The following RGS7 variants were observed in gnomAD, a reference collection of about 807,000 sequenced individuals.
RGS7 encodes the protein regulator of G-protein signaling 7.
In RGS7, 27 loss-of-function variants were observed where a neutral mutation model predicts 81.1. The observed-to-expected ratio is 0.33, with a 90% CI of 0.25 to 0.46. The LOEUF (loss-of-function observed/expected upper bound fraction) is 0.46, where lower values mean the gene tolerates loss of function less well. RGS7 is among the 20% of genes least tolerant of loss of function. The pLI, the probability that RGS7 is intolerant of heterozygous loss-of-function variation, is 1.00. For synonymous variants in RGS7, 208 were observed against 207.7 expected, an observed-to-expected ratio of 1.00 and a Z score of -0.01; for missense variants, 396 against 607.4, an observed-to-expected ratio of 0.65 and a Z score of 3.66.
chr1:241,247,530 T>C (rs1035374917), intron 2 of RGS7, among the ~76,000 whole-genome samples: 4 of 152,154 alleles, frequency 2.6e-5, no homozygotes, highest in African/African-American at 9.7e-5. Flanking sequence ...TGTTGTTCTT[T>C]ACCAATAATG....
chr1:241,221,181 A>C (rs1053537737), intron 2 of RGS7, among the ~76,000 whole-genome samples: 1 of 146,180 alleles, frequency 6.8e-6, no homozygotes, highest in Non-Finnish European at 1.5e-5. Flanking sequence ...GGGAAAAAAG[A>C]AAGAGAGAAA....
chr1:240,797,789 TGAGAGGACATA>T (rs1487286057), intron 18 of RGS7, among the ~76,000 whole-genome samples: 1 of 152,216 alleles, frequency 6.6e-6, no homozygotes, highest in Non-Finnish European at 1.5e-5. Context: ...TTTAAAGGTA[TGAGAGGACATA>T]GTAACCCTTG....
intron 2 of RGS7, among the ~76,000 whole-genome samples, chr1:241,319,597 T>C (rs1328666705): frequency 6.6e-6 from 1 of 152,024 alleles, no homozygotes; most frequent in Non-Finnish European, 1.5e-5. Flanking sequence ...CCATCATAGT[T>C]CACCGTAACG....
At chr1:240,928,095 T>C (rs927688564) in intron 6 of RGS7, among the ~76,000 whole-genome samples, 1 of 152,216 alleles carries the variant, frequency 6.6e-6, no homozygotes, top group South Asian at 2.1e-4. Flanking sequence ...TTGCATACAT[T>C]ACCCGTAGCT....
chr1:240,913,271 T>C (rs1391441747), intron 6 of RGS7, among the ~76,000 whole-genome samples: 1 of 152,240 alleles, frequency 6.6e-6, no homozygotes, highest in East Asian at 1.9e-4. Context: ...ATACAGTACA[T>C]TTATATGCAC....
chr1:240,793,612 T>TATATATATTTA (rs11270798), intron 18 of RGS7, among the ~76,000 whole-genome samples: 2 of 28,620 alleles, frequency 7.0e-5, no homozygotes, highest in African/African-American at 3.7e-4. Context: ...TATATATATA[T>TATATATATTTA]TTTTTTTTTT....
chr1:241,014,892 A>G (rs1487961186), intron 3 of RGS7, among the ~76,000 whole-genome samples: 3 of 152,228 alleles, frequency 2.0e-5, no homozygotes, highest in Admixed American at 2.0e-4. Flanking sequence ...CGAGACTCTT[A>G]CATAGAGAAA....
At chr1:241,009,604 A>G (rs1310588444) in intron 3 of RGS7, among the ~76,000 whole-genome samples, 1 of 152,194 alleles carries the variant, frequency 6.6e-6, no homozygotes, top group African/African-American at 2.4e-5. Flanking sequence ...AGGAGGTACC[A>G]TTCAGATTTC....
At chr1:240,851,874 C>T (rs374192120) in intron 9 of RGS7, among the ~76,000 whole-genome samples, 29 of 152,128 alleles carry the variant, frequency 1.9e-4, no homozygotes, top group African/African-American at 6.5e-4. Flanking sequence ...TGATAAAACT[C>T]GAACAAAGGG....
At chr1:240,812,683 C>A (rs1364432913) in intron 13 of RGS7, among the ~76,000 whole-genome samples, 2 of 152,106 alleles carry the variant, frequency 1.3e-5, no homozygotes, top group Non-Finnish European at 2.9e-5. Flanking sequence ...GATCCACCCA[C>A]CAAAGCGTCC....
At chr1:241,288,591 C>T (rs12097296) in intron 2 of RGS7, among the ~76,000 whole-genome samples, 41,740 of 151,940 alleles carry the variant, frequency 0.27, 6,182 homozygotes, top group Non-Finnish European at 0.33. Context: ...CCCAGACACC[C>T]CAGATGGAAA....
At chr1:240,940,480 T>G (rs1258898947) in intron 4 of RGS7, among the ~76,000 whole-genome samples, 1 of 152,228 alleles carries the variant, frequency 6.6e-6, no homozygotes, top group African/African-American at 2.4e-5. Context: ...ACATCCTTTG[T>G]AGGTGGCCCA....
At chr1:241,245,043 C>T (rs1163201257) in intron 2 of RGS7, among the ~76,000 whole-genome samples, 7 of 151,934 alleles carry the variant, frequency 4.6e-5, no homozygotes, top group Non-Finnish European at 1.0e-4. Context: ...ACCAGCATGG[C>T]ACATGTATAC....
rs68166816 is a variant in RGS7 at position 241,162,222 on chromosome 1, G to GCCCACCCCCCCGCCC, written c.79-63461_79-63460insGGGCGGGGGGGTGGG. Reference sequence around the variant, plus strand: ...ATAAAACACCTGAAACTGGTGATCAGCTTCCAAATAAGATCTCAGAAGTTG... The same window carrying GCCCACCCCCCCGCCC: ...ATAAAACACCTGAAACTGGTGATCAGCCCACCCCCCCGCCCCTTCCAAATAAGATCTCAGAAGTTG... On this transcript the variant is annotated intron_variant, in intron 2 of 18. Transcript: ENST00000440928. Among the ~76,000 whole-genome samples the GCCCACCCCCCCGCCC allele has an allele frequency of 2.1e-5, 3 of 142,028 alleles. 1 individual carries two copies. Among genetic ancestry groups the GCCCACCCCCCCGCCC allele is most frequent in the African/African-American group, 7.9e-5 (3 of 38,002 alleles). 93.2% of individuals were successfully genotyped at this position (142,028 alleles called of 152,430 possible).
chr1:240,880,388 T>C (rs1378600638), intron 6 of RGS7, among the ~76,000 whole-genome samples: 4 of 152,224 alleles, frequency 2.6e-5, no homozygotes, highest in Non-Finnish European at 5.9e-5. Context: ...TGCTTGCTCA[T>C]TTATAAGTGA....
At chr1:240,957,649 T>C (rs945593617) in intron 4 of RGS7, among the ~76,000 whole-genome samples, 1 of 152,348 alleles carries the variant, frequency 6.6e-6, no homozygotes, top group African/African-American at 2.4e-5. Flanking sequence ...TTAATGTATG[T>C]TAACTTCTTT....
rs569069536 is a variant in RGS7, at chr1:240,802,718, A to G, written c.1359+186T>C. On this transcript the variant is annotated intron_variant, in intron 16 of 18. Transcript: ENST00000440928. ...CAGAAACAAACAAACAGAAAGTAAT[A>G]CAATAAGCAATAAACAAACAGAAAC... is the stretch of plus-strand genomic sequence containing the variant. 5.3e-5 allele frequency among the ~76,000 whole-genome samples: 8 copies of G among 152,312 alleles called. No homozygotes were observed. The East Asian group carries it at 7.7e-4, about 15-fold the overall frequency.
At chr1:241,236,738 T>C (rs1429220111) in intron 2 of RGS7, among the ~76,000 whole-genome samples, 2 of 152,300 alleles carry the variant, frequency 1.3e-5, no homozygotes, top group African/African-American at 2.4e-5. Flanking sequence ...GAGCTTGAAT[T>C]AAACTTGCAG....
chr1:240,859,388 T>C (rs1661734978), intron 9 of RGS7, among the ~76,000 whole-genome samples: 1 of 151,588 alleles, frequency 6.6e-6, no homozygotes, highest in African/African-American at 2.4e-5. Context: ...ATATATATTA[T>C]CTATTTTCTT....
Sources: gnomAD v4.1 joint callset for allele counts (sites outside exome capture counted in the v4.1 genomes callset) on GRCh38, gnomAD v4.1.1 for gene constraint, MANE v1.5 for transcripts, NCBI Gene and HGNC (gene_info 2026-07-23, HGNC 2026-07-21) for gene names.